ELF1: variants seen among roughly 807,000 people sequenced by gnomAD.
ELF1 encodes the protein E74 like ETS transcription factor 1, also known as ETS-related transcription factor Elf-1.
In ELF1, 24 loss-of-function variants were observed where a neutral mutation model predicts 59.9. The observed-to-expected ratio is 0.40, with a 90% CI of 0.29 to 0.56. The LOEUF is 0.56. Among genes scored for constraint, ELF1 ranks in the 20% least tolerant of loss-of-function variants. The pLI, the probability that ELF1 is intolerant of heterozygous loss-of-function variation, is 0.44. For synonymous variants in ELF1, 248 were observed against 266.2 expected (o/e 0.93, Z 0.67); for missense variants, 627 against 742.2 (o/e 0.84, Z 1.80).
intron 1 of ELF1, among the ~76,000 whole-genome samples, chr13:41,004,667 G>A (rs971351252): frequency 6.6e-6 from 1 of 151,950 alleles, no homozygotes; most frequent in Non-Finnish European, 1.5e-5. Context: ...ATACATAAAA[G>A]TTAATAATTA....
chr13:40,958,395 T>C (rs141807534), intron 3 of ELF1, among the ~76,000 whole-genome samples: 21 of 152,162 alleles, frequency 1.4e-4, no homozygotes, highest in African/African-American at 5.1e-4. Flanking sequence ...GGAAGGCATA[T>C]AAGAAAGTAC....
chr13:41,013,240 A>G (rs1022838429), intron 1 of ELF1, among the ~76,000 whole-genome samples: 2 of 152,170 alleles, frequency 1.3e-5, no homozygotes, highest in Non-Finnish European at 2.9e-5. Context: ...AACTATCTAT[A>G]CTCTGCAAAG....
At chr13:40,937,685 G>A (rs1869873856) in intron 8 of ELF1, among the ~76,000 whole-genome samples, 2 of 152,286 alleles carry the variant, frequency 1.3e-5, no homozygotes, top group South Asian at 4.1e-4. Context: ...TGGGAAGGCT[G>A]GTCTCGAACT....
chr13:40,954,409 G>C (rs1408600169), intron 3 of ELF1, among the ~76,000 whole-genome samples: 1 of 94,462 alleles, frequency 1.1e-5, no homozygotes, highest in Non-Finnish European at 2.7e-5. Context: ...CTAGTGGTTT[G>C]AAAGTGTGTA....
intron 1 of ELF1, among the ~76,000 whole-genome samples, chr13:41,046,715 A>C (rs777656496): frequency 1.3e-4 from 20 of 152,154 alleles, no homozygotes; most frequent in Non-Finnish European, 2.2e-4. Context: ...GCTGCCCTTA[A>C]CAGTTTTTCC....
chr13:41,060,090 C>T (rs554628180), intron 1 of ELF1, among the ~76,000 whole-genome samples: 45 of 152,346 alleles, frequency 3.0e-4, no homozygotes, highest in African/African-American at 1.1e-3. Context: ...GTTGGGAAGA[C>T]CTCGCAGGCC....
At chr13:41,015,860 A>T (rs1299575084) in intron 1 of ELF1, among the ~76,000 whole-genome samples, 1 of 152,206 alleles carries the variant, frequency 6.6e-6, no homozygotes, top group East Asian at 1.9e-4. Flanking sequence ...AAGGTTTAAT[A>T]CAACAAATAA....
At chr13:40,982,412 T>A in intron 1 of ELF1, 130 bp from the exon 2 acceptor site, 2 of 442,390 alleles carry the variant, frequency 4.5e-6, no homozygotes, top group African/African-American at 2.1e-5. Context: ...TCGACACGAC[T>A]AATGCACATA....
intron 1 of ELF1, among the ~76,000 whole-genome samples, chr13:40,989,075 G>C (rs1873706382): frequency 6.6e-6 from 1 of 152,166 alleles, no homozygotes; most frequent in Non-Finnish European, 1.5e-5. Flanking sequence ...TGGGATTACA[G>C]GCATGAGCCA....
At chr13:41,051,060 T>C (rs1165097046) in intron 1 of ELF1, among the ~76,000 whole-genome samples, 1 of 152,232 alleles carries the variant, frequency 6.6e-6, no homozygotes, top group African/African-American at 2.4e-5. Flanking sequence ...TGTGCCTTCA[T>C]TTCCCACACA....
intron 3 of ELF1, among the ~76,000 whole-genome samples, chr13:40,955,016 A>T (rs1871143981): frequency 7.0e-6 from 1 of 143,564 alleles, no homozygotes; most frequent in Non-Finnish European, 1.5e-5. Flanking sequence ...CGTCTCTGCC[A>T]GGCTGCCCAT....
At chr13:41,027,706 T>C (rs571905507) in intron 1 of ELF1, among the ~76,000 whole-genome samples, 47 of 152,324 alleles carry the variant, frequency 3.1e-4, no homozygotes, top group Non-Finnish European at 4.9e-4. Flanking sequence ...CAGAATGCCT[T>C]ATCTACCATC....
intron 2 of ELF1, among the ~76,000 whole-genome samples, chr13:40,978,846 A>G (rs2138261269): frequency 6.6e-6 from 1 of 151,510 alleles, no homozygotes; most frequent in African/African-American, 2.4e-5. Flanking sequence ...CACTATTAGT[A>G]GTAGTAGAAA....
intron 1 of ELF1, among the ~76,000 whole-genome samples, chr13:41,038,542 G>C (rs948471558): frequency 2.0e-5 from 3 of 152,012 alleles, no homozygotes; most frequent in Non-Finnish European, 4.4e-5. Context: ...AAAAACATTA[G>C]ATTCTATCTT....
At position 40,933,989 on chromosome 13, in the gene ELF1, A is replaced by G; in HGVS notation, c.1296T>C (p.Ser432=). The part of the protein sequence containing the change: ...QAPTQVPVVV[S]PRNQQLHTVT... ...CTGTATGCAACTGCTGATTCCTAGGAGACACAACCACTGGAACTTGGGTTG... is the reference window on the plus strand; with the variant it reads ...CTGTATGCAACTGCTGATTCCTAGGGGACACAACCACTGGAACTTGGGTTG... The change falls in exon 9 of 9, where the codon TCT becomes TCC. Residue 432 remains serine, a synonymous_variant. Transcript: ENST00000239882. 6.2e-7 allele frequency: 1 copy of G among 1,614,124 alleles called. No homozygotes were observed. Among genetic ancestry groups the G allele is most frequent in the East Asian group, 2.2e-5 (1 of 44,892 alleles).
chr13:41,054,258 A>T (rs920293322), intron 1 of ELF1, among the ~76,000 whole-genome samples: 4 of 152,232 alleles, frequency 2.6e-5, no homozygotes, highest in Non-Finnish European at 5.9e-5. Context: ...CTCAGAAAAA[A>T]TTCAGAGAAA....
At chr13:41,054,341 A>G (rs1447544568) in intron 1 of ELF1, among the ~76,000 whole-genome samples, 7 of 152,250 alleles carry the variant, frequency 4.6e-5, no homozygotes, top group South Asian at 2.1e-4. Context: ...AGCCAGTTCT[A>G]AAACAGTAAA....
chr13:41,002,414 G>A (rs1874508113), intron 1 of ELF1, among the ~76,000 whole-genome samples: 1 of 151,996 alleles, frequency 6.6e-6, no homozygotes, highest in African/African-American at 2.4e-5. Context: ...AGGCCAGAGT[G>A]GGTGGATCAT....
rs569057135 is a variant in ELF1 at position 40,982,203 on chromosome 13, T to G, written c.-149A>C. 3.7e-4 allele frequency: 479 copies of G among 1,301,096 alleles called. 7 individuals are homozygous for G. The South Asian group carries it at 0.011, about 29-fold the overall frequency. The allele number at this position is 1,301,096 out of a possible 1,614,324, so 80.6% of individuals were successfully genotyped here. On this transcript the variant is annotated 5_prime_UTR_variant, in exon 2 of 9. Coordinates refer to ENST00000239882, the MANE Select transcript of ELF1 (RefSeq NM_172373.4). ...CCCAAGTTTTCTTTAGGGAAGGTGC[T>G]TCAGTTTTCCTGGTTCATTGATATT... is the stretch of plus-strand genomic sequence containing the variant.
Sources: gnomAD v4.1 joint callset for allele counts (sites outside exome capture counted in the v4.1 genomes callset) on GRCh38, gnomAD v4.1.1 for gene constraint, MANE v1.5 for transcripts, NCBI Gene and HGNC (gene_info 2026-07-23, HGNC 2026-07-21) for gene names.